The following ADAMTS20 variants were observed in gnomAD, a reference collection of about 807,000 sequenced individuals.
The protein encoded by ADAMTS20 is A disintegrin and metalloproteinase with thrombospondin motifs 20.
A neutral mutation model predicts 260.1 loss-of-function variants in ADAMTS20; 225 were observed. The ratio of observed to expected loss-of-function variants is 0.87; its 90% CI spans 0.78 to 0.97. ADAMTS20 has a LOEUF of 0.97. ADAMTS20 is among the 50% of genes least tolerant of loss of function. The pLI is 0.00. For synonymous variants in ADAMTS20, 802 were observed against 769.5 expected (o/e 1.04, Z -0.70); for missense variants, 2,400 against 2,337.7 (o/e 1.03, Z -0.55).
rs1450844621 is a variant in ADAMTS20 at position 43,434,360 on chromosome 12, T to C, written c.2605A>G (p.Arg869Gly). 10 of 1,584,092 alleles carry C rather than the reference T, an allele frequency of 6.3e-6. No homozygotes were observed. Among genetic ancestry groups the C allele is most frequent in the Non-Finnish European group, 7.7e-6 (9 of 1,164,540 alleles). ...CTKMCQGLQR[R>G]NITCIHKSDH... ...CTCTTATGTATGCAAGTTATGTTTC[T>C]TCGCTGAAGACCTTGGCCAAAGTCA... The change falls in exon 19 of 39, where the codon AGA becomes GGA. Residue 869 changes from arginine to glycine, a missense_variant. Arg to Gly is a moderately radical substitution (Grantham distance 125). Coordinates refer to ENST00000389420, the MANE Select transcript of ADAMTS20 (RefSeq NM_025003.5).
intron 28 of ADAMTS20, among the ~76,000 whole-genome samples, chr12:43,417,144 T>A (rs1440150035): frequency 5.9e-5 from 9 of 152,172 alleles, no homozygotes; most frequent in Non-Finnish European, 2.9e-5. Context: ...CTCAATAATC[T>A]TGAGTGGAAT....
At chr12:43,502,870 C>G (rs957167633) in intron 3 of ADAMTS20, among the ~76,000 whole-genome samples, 4 of 151,818 alleles carry the variant, frequency 2.6e-5, no homozygotes, top group Non-Finnish European at 5.9e-5. Context: ...ATACTACATG[C>G]GAAAAGCACC....
intron 28 of ADAMTS20, among the ~76,000 whole-genome samples, chr12:43,416,609 C>T (rs1232969627): frequency 4.6e-5 from 7 of 150,928 alleles, no homozygotes; most frequent in Admixed American, 2.0e-4. Context: ...CTGCAAGCTC[C>T]GCCTCCCAGG....
intron 37 of ADAMTS20, among the ~76,000 whole-genome samples, chr12:43,365,839 C>T (rs942510068): frequency 6.6e-6 from 1 of 151,760 alleles, no homozygotes; most frequent in Non-Finnish European, 1.5e-5. Flanking sequence ...AAAGTACATT[C>T]TGATAAGATA....
intron 3 of ADAMTS20, among the ~76,000 whole-genome samples, chr12:43,520,029 C>G (rs539847153): frequency 1.3e-5 from 2 of 152,168 alleles, no homozygotes; most frequent in South Asian, 4.1e-4. Context: ...ATTTCTAGTT[C>G]TTGTTCTTTT....
At position 43,409,628 on chromosome 12, in the gene ADAMTS20, A is replaced by AC. The variant is rs1215839478; in HGVS notation, c.4285-10396_4285-10395insG. Among the ~76,000 whole-genome samples, 246 of 141,834 alleles carry AC rather than the reference A, an allele frequency of 1.7e-3. 4 individuals carry two copies. Among genetic ancestry groups the AC allele is most frequent in the African/African-American group, 6.0e-3 (227 of 37,958 alleles). The allele number at this position is 141,834 out of a possible 152,430, so 93.0% of individuals were successfully genotyped here. A position where few individuals can be genotyped will look rare whatever the true frequency, so the allele number is the denominator to read the frequency against. On this transcript the variant is annotated intron_variant, in intron 28 of 38. Coordinates refer to ENST00000389420, the MANE Select transcript of ADAMTS20 (RefSeq NM_025003.5). ...AAAAAAAAAAAAAAAAAAAAAAAAA[A>AC]AACAAGAAAATTAGAAGACCAATCC...
rs1407613067 is a variant in ADAMTS20, at chr12:43,551,936, G to A, written c.-15C>T. 1.9e-6 allele frequency: 3 copies of A among 1,611,978 alleles called. No homozygotes were observed. The highest frequency in any genetic ancestry group is 2.7e-5 in the African/African-American group (2 of 74,918). On this transcript the variant is annotated 5_prime_UTR_variant, in exon 1 of 39. Transcript: ENST00000389420. The surrounding 1 kb of genome is among the most constrained non-coding windows in gnomAD (Gnocchi z 4.6). ...GCCACCCACATGGTTCCACCCTGGG[G>A]ACCCCGATCGGGGAGGCCCACCAGA...
At chr12:43,395,332 A>T (rs918517108) in intron 29 of ADAMTS20, among the ~76,000 whole-genome samples, 1 of 152,294 alleles carries the variant, frequency 6.6e-6, no homozygotes. Context: ...TATTTTTCAA[A>T]TTATAAAACA....
At chr12:43,536,372 T>C (rs1027149644) in intron 2 of ADAMTS20, among the ~76,000 whole-genome samples, 2 of 152,188 alleles carry the variant, frequency 1.3e-5, no homozygotes, top group African/African-American at 4.8e-5. Context: ...GCACCTACTA[T>C]GTGCCAAGAA....
intron 28 of ADAMTS20, among the ~76,000 whole-genome samples, chr12:43,400,252 A>T (rs1940783283): frequency 6.6e-6 from 1 of 151,938 alleles, no homozygotes; most frequent in African/African-American, 2.4e-5. Context: ...AACCTTTCTC[A>T]TTCCTCTGAG....
Position 43,432,463 on chromosome 12 carries a change from GGA to G in ADAMTS20, c.2935_2936del (p.Ser979GlnfsTer17). On this transcript the variant is annotated frameshift_variant, in exon 21 of 39. Transcript: ENST00000389420. LOFTEE classifies it high-confidence loss of function. ...RWHYSEWSQCSRSCGGGERSR... is the reference protein window; with the variant it reads ...RWHYSEWSQCXRSCGGGERSR... ...ACCTTTCCCCTCCTCCACAACTCCT[GGA>G]ACACTGATTAAAAAAAAAAAAGTGG... 1 of 1,595,740 alleles carries G rather than the reference GGA, an allele frequency of 6.3e-7. No homozygotes were observed. The highest frequency in any genetic ancestry group is 8.5e-7 in the Non-Finnish European group (1 of 1,175,578).
chr12:43,442,683 A>G (rs1941689892), intron 16 of ADAMTS20, among the ~76,000 whole-genome samples: 1 of 152,240 alleles, frequency 6.6e-6, no homozygotes. Flanking sequence ...GCATATATCT[A>G]TGTAAATGTA....
At chr12:43,455,235 A>AT (rs149055704) in intron 11 of ADAMTS20, among the ~76,000 whole-genome samples, 2,845 of 152,316 alleles carry the variant, frequency 0.019, 96 homozygotes, top group African/African-American at 0.065. Context: ...TTAAAAATGA[A>AT]TAATATTCCA....
At chr12:43,417,588 C>T (rs1380369245) in intron 28 of ADAMTS20, among the ~76,000 whole-genome samples, 1 of 152,070 alleles carries the variant, frequency 6.6e-6, no homozygotes, top group Admixed American at 6.6e-5. Context: ...AATACTGACT[C>T]CAATTTATAA....
At chr12:43,541,765 TG>T (rs75747861) in intron 2 of ADAMTS20, among the ~76,000 whole-genome samples, 18,148 of 152,186 alleles carry the variant, frequency 0.12, 1,408 homozygotes, top group East Asian at 0.29. Context: ...GTAAGGGTTT[TG>T]TTTTGTTTTG....
chr12:43,396,976 G>T (rs1408694993), intron 29 of ADAMTS20, among the ~76,000 whole-genome samples: 1 of 152,154 alleles, frequency 6.6e-6, no homozygotes, highest in Non-Finnish European at 1.5e-5. Context: ...GGAACTGGGA[G>T]TTAACTGCTG....
rs1372914446 is a variant in ADAMTS20 at position 43,462,858 on chromosome 12, T to C, written c.1614+37A>G. 4.6e-6 allele frequency: 7 copies of C among 1,508,774 alleles called. No homozygotes were observed. In the African/African-American group the frequency reaches 9.6e-5, roughly 21 times the overall value. The allele number at this position is 1,508,774 out of a possible 1,614,324, so 93.5% of individuals were successfully genotyped here. ...GCAGAGCAATCACATCCTTGGATAA[T>C]ATCTTCATACAAGACTCACCCTTCA... On this transcript the variant is annotated intron_variant, in intron 11 of 38. Coordinates refer to ENST00000389420, the MANE Select transcript of ADAMTS20 (RefSeq NM_025003.5).
chr12:43,433,369 A>C (rs575760077), intron 19 of ADAMTS20, among the ~76,000 whole-genome samples: 1 of 152,290 alleles, frequency 6.6e-6, no homozygotes, highest in Admixed American at 6.5e-5. Flanking sequence ...TCTAGCATTC[A>C]TCAATGTGAG....
chr12:43,438,050 G>T (rs1054043370), intron 18 of ADAMTS20, among the ~76,000 whole-genome samples: 1 of 152,016 alleles, frequency 6.6e-6, no homozygotes, highest in Non-Finnish European at 1.5e-5. Context: ...TTTAACTTTA[G>T]AGAAACTAAA....
Sources: allele counts gnomAD v4.1 joint callset (sites outside exome capture counted in the v4.1 genomes callset), GRCh38; gene constraint gnomAD v4.1.1; non-coding constraint Gnocchi (gnomAD v3.1); transcripts MANE v1.5; gene names NCBI Gene and HGNC (gene_info 2026-07-23, HGNC 2026-07-21).